The following ZFX variants were observed in gnomAD, a reference collection of about 807,000 sequenced individuals.
ZFX encodes zinc finger protein X-linked, also known as zinc finger X-chromosomal protein.
For missense variants in ZFX, 362 were observed against 628.3 expected (o/e 0.58, Z 4.53); for synonymous variants, 196 against 226.8 (o/e 0.86, Z 1.22).
intron 4 of ZFX, chrX:24,173,804 A>G (rs1427393373): frequency 6.3e-5 from 26 of 411,122 alleles, no homozygotes; most frequent in African/African-American, 6.0e-4. Context: ...CACGTTGCCC[A>G]GGCTGGTCTT....
At chrX:24,193,363 T>C (rs1029769491) in intron 5 of ZFX, among the ~76,000 whole-genome samples, 1 of 112,060 alleles carries the variant, frequency 8.9e-6, no homozygotes, top group Non-Finnish European at 1.9e-5. Context: ...TATGATTCCA[T>C]CTATGTGAAA....
chrX:24,195,091 C>T (rs1318290406), intron 5 of ZFX, among the ~76,000 whole-genome samples: 1 of 111,902 alleles, frequency 8.9e-6, no homozygotes, highest in East Asian at 2.8e-4. Flanking sequence ...GGCTGAAAGT[C>T]ACAATTTCCG....
intron 8 of ZFX, 66 bp from the exon 9 acceptor site, chrX:24,208,830 TAATG>T: frequency 9.5e-7 from 1 of 1,051,955 alleles, no homozygotes; most frequent in Non-Finnish European, 1.3e-6. Context: ...TTGTTGTAGT[TAATG>T]AAGAATTCCT....
chrX:24,175,868 C>T (rs941921359), intron 4 of ZFX, among the ~76,000 whole-genome samples: 7 of 110,612 alleles, frequency 6.3e-5, no homozygotes, highest in Non-Finnish European at 1.3e-4. Flanking sequence ...CGTGAGCCAC[C>T]GCGCCCGGCT....
At chrX:24,197,050 C>T (rs1045358143) in intron 5 of ZFX, among the ~76,000 whole-genome samples, 4 of 112,698 alleles carry the variant, frequency 3.5e-5, no homozygotes, top group East Asian at 2.7e-4. Flanking sequence ...TTGCACCAGT[C>T]ACAGTTCAAG....
intron 4 of ZFX, among the ~76,000 whole-genome samples, chrX:24,174,875 A>C (rs998293066): frequency 1.0e-4 from 11 of 110,290 alleles, no homozygotes; most frequent in Non-Finnish European, 1.7e-4. Context: ...CATCAAGCCC[A>C]GCTAATTTTA....
intron 3 of ZFX, among the ~76,000 whole-genome samples, chrX:24,154,301 C>G (rs2147222669): frequency 9.0e-6 from 1 of 111,614 alleles, no homozygotes; most frequent in African/African-American, 3.3e-5. Flanking sequence ...AGGGTCCCTC[C>G]CCATCCCCTT....
chrX:24,174,193 A>G (rs1021642139), intron 4 of ZFX, among the ~76,000 whole-genome samples: 23 of 110,092 alleles, frequency 2.1e-4, no homozygotes, highest in African/African-American at 7.6e-4. Context: ...AGTCTGGGTG[A>G]TAGCACGAGA....
rs191242908 is a variant in ZFX, at chrX:24,158,463, C to T, written c.-29+5633C>T. 3.9e-3 allele frequency among the ~76,000 whole-genome samples: 440 copies of T among 111,670 alleles called. 3 individuals carry two copies. The highest frequency in any genetic ancestry group is 0.018 in the Middle Eastern group (4 of 218). ...TCTTCTTTTCCATTCCTTCTTGCCT[C>T]CTGTTTCTTGTTCTGGTTTTACTGC... On this transcript the variant is annotated intron_variant, in intron 3 of 9. Transcript: ENST00000304543.
chrX:24,165,257 A>T (rs1933889927), intron 3 of ZFX, among the ~76,000 whole-genome samples: 1 of 112,126 alleles, frequency 8.9e-6, no homozygotes, highest in African/African-American at 3.2e-5. Flanking sequence ...AGTAGCTGGG[A>T]CTACAGGCAC....
intron 3 of ZFX, among the ~76,000 whole-genome samples, chrX:24,163,398 TAC>T (rs1483242920): frequency 8.0e-5 from 5 of 62,689 alleles, no homozygotes; most frequent in African/African-American, 2.6e-4. Flanking sequence ...TTTTTTTTGA[TAC>T]AGAGTCTCAC....
chrX:24,189,213 T>A (rs1373165640), intron 5 of ZFX, among the ~76,000 whole-genome samples: 1 of 111,498 alleles, frequency 9.0e-6, no homozygotes, highest in Non-Finnish European at 1.9e-5. Context: ...TGGATTAAAT[T>A]TAGGGTTGAG....
rs1314601333 is a variant in ZFX at position 24,215,750 on chromosome X, C to T, written c.*4374C>T. 1.8e-5 allele frequency: 2 copies of T among 110,654 alleles called. No homozygotes were observed. Among genetic ancestry groups the T allele is most frequent in the African/African-American group, 6.6e-5 (2 of 30,362 alleles). 9.1% of individuals were successfully genotyped at this position (110,654 alleles called of 1,213,427 possible). A position where few individuals can be genotyped will look rare whatever the true frequency, so the allele number is the denominator to read the frequency against. Reference sequence around the variant, plus strand: ...CGCACATGTAAATAGCCTGCACTTCCTAAATCTCGTGTGGCCTCCCATGGT... The same window carrying T: ...CGCACATGTAAATAGCCTGCACTTCTTAAATCTCGTGTGGCCTCCCATGGT... On this transcript the variant is annotated 3_prime_UTR_variant, in exon 10 of 10. Coordinates refer to ENST00000304543, the MANE Select transcript of ZFX (RefSeq NM_003410.4).
intron 5 of ZFX, 132 bp from the exon 6 acceptor site, chrX:24,207,194 G>A (rs1338852953): frequency 1.8e-5 from 11 of 619,980 alleles, no homozygotes; most frequent in Non-Finnish European, 2.6e-5. Context: ...CTGAGATCGC[G>A]CCACTGCACT....
At chrX:24,192,148 G>T (rs1004511336) in intron 5 of ZFX, among the ~76,000 whole-genome samples, 1 of 111,768 alleles carries the variant, frequency 8.9e-6, no homozygotes, top group Non-Finnish European at 1.9e-5. Context: ...TATTAGACTT[G>T]CCATAGTAAG....
intron 8 of ZFX, among the ~76,000 whole-genome samples, chrX:24,208,666 C>T (rs1310210803): frequency 2.7e-5 from 3 of 111,333 alleles, no homozygotes; most frequent in African/African-American, 6.5e-5. Flanking sequence ...TGGGAGACAA[C>T]AAGGGAGTCC....
intron 3 of ZFX, among the ~76,000 whole-genome samples, chrX:24,163,591 T>C (rs1205122074): frequency 9.4e-6 from 1 of 106,273 alleles, no homozygotes; most frequent in Non-Finnish European, 1.9e-5. Flanking sequence ...TTGGCCAGGC[T>C]GGTCTCGAAC....
chrX:24,213,988 C>T lies in ZFX; in HGVS notation c.*2612C>T, dbSNP rs1034086370. ...TTCTCTTACATACTCCGGAATCATA[C>T]ACAGTTCTTTTTAAAGCACAACATT... On this transcript the variant is annotated 3_prime_UTR_variant, in exon 10 of 10. Coordinates refer to ENST00000304543, the MANE Select transcript of ZFX (RefSeq NM_003410.4). 1 of 111,386 alleles carries T rather than the reference C, an allele frequency of 9.0e-6. No individual in the cohort carries two copies. Among genetic ancestry groups the T allele is most frequent in the African/African-American group, 3.3e-5 (1 of 30,523 alleles). The allele number at this position is 111,386 out of a possible 1,213,427, so 9.2% of individuals were successfully genotyped here. A position where few individuals can be genotyped will look rare whatever the true frequency, so the allele number is the denominator to read the frequency against.
At chrX:24,167,374 C>T in intron 3 of ZFX, among the ~76,000 whole-genome samples, 1 of 111,419 alleles carries the variant, frequency 9.0e-6, no homozygotes, top group East Asian at 2.8e-4. Context: ...CCCCAGCAGT[C>T]AGAATATAAC....
Sources: allele counts gnomAD v4.1 joint callset (sites outside exome capture counted in the v4.1 genomes callset), GRCh38; gene constraint gnomAD v4.1.1; transcripts MANE v1.5; gene names NCBI Gene and HGNC (gene_info 2026-07-23, HGNC 2026-07-21).